PLCB4: variants seen among roughly 807,000 people sequenced by gnomAD.
PLCB4 encodes 1-phosphatidylinositol 4,5-bisphosphate phosphodiesterase beta-4.
In PLCB4, 77 loss-of-function variants were observed where a neutral mutation model predicts 178.8. The observed-to-expected ratio is 0.43, with a 90% CI of 0.36 to 0.52. The LOEUF (loss-of-function observed/expected upper bound fraction) is 0.52, where lower values mean the gene tolerates loss of function less well. Ranked by LOEUF, PLCB4 falls within the 20% of genes least tolerant of loss-of-function variation. The pLI is 0.00. For missense variants in PLCB4, 1,024 were observed against 1,453.4 expected, an observed-to-expected ratio of 0.70 and a Z score of 4.80; for synonymous variants, 496 against 490.8, an observed-to-expected ratio of 1.01 and a Z score of -0.14.
chr20:9,215,494 A>G (rs2093720212), intron 2 of PLCB4, among the ~76,000 whole-genome samples: 1 of 152,214 alleles, frequency 6.6e-6, no homozygotes, highest in African/African-American at 2.4e-5. Context: ...ATCCATGCTT[A>G]GAGCCAGCCT....
intron 3 of PLCB4, among the ~76,000 whole-genome samples, chr20:9,291,258 A>G (rs1404141502): frequency 6.6e-6 from 1 of 152,204 alleles, no homozygotes; most frequent in African/African-American, 2.4e-5. Flanking sequence ...TGAATGAAAT[A>G]GACTCAATTC....
At position 9,089,419 on chromosome 20, in the gene PLCB4, AACT is replaced by A. The variant is rs1480627988; in HGVS notation, c.-134-6865_-134-6863del. ...CACAAAGAAGAAGGGAAGAAGGCAA[AACT>A]ACCTTTAATCTAATTATAATAGGTG... On this transcript the variant is annotated intron_variant, in intron 1 of 39. Coordinates refer to ENST00000378473, the MANE Select transcript of PLCB4 (RefSeq NM_001377142.1). 4.6e-5 allele frequency among the ~76,000 whole-genome samples: 7 copies of A among 152,222 alleles called. No homozygotes were observed. The East Asian group carries it at 1.2e-3, about 25-fold the overall frequency.
At chr20:9,103,190 G>C (rs1426763003) in intron 2 of PLCB4, among the ~76,000 whole-genome samples, 2 of 152,062 alleles carry the variant, frequency 1.3e-5, no homozygotes, top group African/African-American at 4.8e-5. Context: ...AGTATGGAGT[G>C]CTTCTCAAAC....
At chr20:9,166,272 A>C (rs1027348106) in intron 2 of PLCB4, 1 of 152,172 alleles carries the variant, frequency 6.6e-6, no homozygotes, top group African/African-American at 2.4e-5. Context: ...TATTATAAAC[A>C]AACACCCAAC....
chr20:9,464,427 A>T (rs998463143), intron 35 of PLCB4, among the ~76,000 whole-genome samples: 14 of 152,230 alleles, frequency 9.2e-5, no homozygotes, highest in Admixed American at 5.2e-4. Flanking sequence ...AATAACTAAG[A>T]TCAGAGCAGA....
intron 3 of PLCB4, among the ~76,000 whole-genome samples, chr20:9,288,456 C>A (rs1164124129): frequency 6.7e-6 from 1 of 149,550 alleles, no homozygotes; most frequent in Non-Finnish European, 1.5e-5. Flanking sequence ...ACTTTTACAT[C>A]AATCTTGATA....
intron 2 of PLCB4, among the ~76,000 whole-genome samples, chr20:9,157,052 T>C (rs1402390693): frequency 6.6e-6 from 1 of 151,840 alleles, no homozygotes; most frequent in Non-Finnish European, 1.5e-5. Flanking sequence ...TGTTCTTCGC[T>C]ATTTTAGTCC....
intron 28 of PLCB4, among the ~76,000 whole-genome samples, chr20:9,426,545 T>A (rs2041021798): frequency 6.6e-6 from 1 of 152,040 alleles, no homozygotes; most frequent in South Asian, 2.1e-4. Flanking sequence ...GCCCAGCTAA[T>A]TTTGTGTTTT....
rs910364527 is a variant in PLCB4, at chr20:9,302,854, C to T, written c.-15-4946C>T. Among the ~76,000 whole-genome samples the T allele has an allele frequency of 2.7e-5, 4 of 145,864 alleles. No individual in the cohort carries two copies. The Admixed American group carries it at 2.8e-4, about 10-fold the overall frequency. ...TGGAAGATATGCAAACTGTAAAAAG[C>T]TTTTTTTTTTTATTTTTATTTTTGA... On this transcript the variant is annotated intron_variant, in intron 3 of 39. Coordinates refer to ENST00000378473, the MANE Select transcript of PLCB4 (RefSeq NM_001377142.1).
At chr20:9,206,872 C>A (rs1043113115) in intron 2 of PLCB4, among the ~76,000 whole-genome samples, 23 of 152,102 alleles carry the variant, frequency 1.5e-4, no homozygotes, top group Admixed American at 2.6e-4. Context: ...AAAACCAATA[C>A]CCTTGGGAGG....
At chr20:9,104,537 C>G (rs1275037000) in intron 2 of PLCB4, among the ~76,000 whole-genome samples, 6 of 152,088 alleles carry the variant, frequency 3.9e-5, no homozygotes, top group Non-Finnish European at 8.8e-5. Context: ...GCATCTTGTC[C>G]TCAGATTCAA....
At chr20:9,363,028 C>T (rs756056619) in intron 8 of PLCB4, 53 bp downstream of exon 8, 5 of 1,276,122 alleles carry the variant, frequency 3.9e-6, no homozygotes. Context: ...AACAAATGGT[C>T]AGATGAAGAG....
chr20:9,244,355 C>T (rs867419555), intron 3 of PLCB4, among the ~76,000 whole-genome samples: 4 of 152,190 alleles, frequency 2.6e-5, no homozygotes, highest in Middle Eastern at 3.4e-3. Context: ...AACTCTAAAT[C>T]AATTTAGTTC....
Position 9,140,535 on chromosome 20 carries a change from G to A in PLCB4, c.-79+44193G>A, listed in dbSNP as rs866852680. Among the ~76,000 whole-genome samples, 6 of 151,878 alleles carry A rather than the reference G, an allele frequency of 4.0e-5. No individual in the cohort carries two copies. The East Asian group carries it at 9.7e-4, about 25-fold the overall frequency. On this transcript the variant is annotated intron_variant, in intron 2 of 39. Coordinates refer to ENST00000378473, the MANE Select transcript of PLCB4 (RefSeq NM_001377142.1). ...CTCAAGTTGAAATATGATCCCGAATGTTGGAGGGGGGGCCTGGTGGGAGGT... is the reference window on the plus strand; with the variant it reads ...CTCAAGTTGAAATATGATCCCGAATATTGGAGGGGGGGCCTGGTGGGAGGT...
chr20:9,303,140 T>A lies in PLCB4; in HGVS notation c.-15-4660T>A, dbSNP rs147433036. 9.2e-5 allele frequency among the ~76,000 whole-genome samples: 14 copies of A among 152,236 alleles called. No homozygotes were observed. The East Asian group carries it at 1.4e-3, about 15-fold the overall frequency. ...CTGTGGGTCTATTTTTCTCTGCAGA[T>A]CTGTTTTATAGCATAGAAGGCATGA... On this transcript the variant is annotated intron_variant, in intron 3 of 39. Coordinates refer to ENST00000378473, the MANE Select transcript of PLCB4 (RefSeq NM_001377142.1).
At chr20:9,463,720 G>C (rs2043567483) in intron 35 of PLCB4, among the ~76,000 whole-genome samples, 1 of 150,698 alleles carries the variant, frequency 6.6e-6, no homozygotes, top group Admixed American at 6.6e-5. Flanking sequence ...AATTCAACAA[G>C]AAGAGTTAAC....
chr20:9,398,537 T>C (rs2038779443), intron 19 of PLCB4, among the ~76,000 whole-genome samples: 1 of 152,160 alleles, frequency 6.6e-6, no homozygotes, highest in Admixed American at 6.5e-5. Context: ...GCATTACTGA[T>C]ACGATAATCC....
chr20:9,424,120 G>C (rs1383286266), intron 28 of PLCB4, among the ~76,000 whole-genome samples, 168 bp downstream of exon 28: 2 of 151,994 alleles, frequency 1.3e-5, no homozygotes, highest in Non-Finnish European at 2.9e-5. Context: ...ATAACCTCAG[G>C]TTTCATAGTA....
chr20:9,292,132 G>A (rs563165865), intron 3 of PLCB4, among the ~76,000 whole-genome samples: 1 of 152,244 alleles, frequency 6.6e-6, no homozygotes, highest in Non-Finnish European at 1.5e-5. Flanking sequence ...CCATTTTTGT[G>A]AAGTCTCATT....
Sources: gnomAD v4.1 joint callset for allele counts (sites outside exome capture counted in the v4.1 genomes callset) on GRCh38, gnomAD v4.1.1 for gene constraint, MANE v1.5 for transcripts, NCBI Gene and HGNC (gene_info 2026-07-23, HGNC 2026-07-21) for gene names.